Variants in CAMTA1 observed in about 807,000 individuals in gnomAD.
CAMTA1 encodes calmodulin binding transcription activator 1.
Under a neutral mutation model 170.9 loss-of-function variants are expected in CAMTA1, and 27 were observed. The observed-to-expected ratio is 0.16, with a 90% confidence interval of 0.12 to 0.22. CAMTA1 has a LOEUF of 0.22. CAMTA1 is among the 10% of genes least tolerant of loss of function. CAMTA1 has a pLI of 1.00. For missense variants in CAMTA1, 1,619 were observed against 2,217.2 expected (o/e 0.73, Z 5.42); for synonymous variants, 833 against 891.5 (o/e 0.93, Z 1.17).
chr1:7,528,444 T>A (rs2094454546), intron 6 of CAMTA1, among the ~76,000 whole-genome samples: 1 of 151,960 alleles, frequency 6.6e-6, no homozygotes, highest in South Asian at 2.1e-4. Context: ...AAAAAAAAAA[T>A]CTTTCTAAAG....
At chr1:7,179,301 G>A (rs1365770765) in intron 4 of CAMTA1, among the ~76,000 whole-genome samples, 1 of 152,182 alleles carries the variant, frequency 6.6e-6, no homozygotes, top group Non-Finnish European at 1.5e-5. Context: ...AGGAAATGCA[G>A]AGAAAACCAC....
At chr1:7,238,146 A>G (rs545173568) in intron 4 of CAMTA1, among the ~76,000 whole-genome samples, 96 of 144,876 alleles carry the variant, frequency 6.6e-4, no homozygotes, top group Non-Finnish European at 1.1e-3. Flanking sequence ...TAATATGGTC[A>G]GTCTTCTTTC....
At chr1:6,881,157 A>G (rs1253399059) in intron 3 of CAMTA1, among the ~76,000 whole-genome samples, 1 of 152,132 alleles carries the variant, frequency 6.6e-6, no homozygotes, top group Non-Finnish European at 1.5e-5. Context: ...TCCAGATTTC[A>G]TGCCCTTAAT....
intron 5 of CAMTA1, among the ~76,000 whole-genome samples, chr1:7,267,916 C>A (rs1669165367): frequency 6.6e-6 from 1 of 152,204 alleles, no homozygotes; most frequent in African/African-American, 2.4e-5. Flanking sequence ...GCTAATCTGA[C>A]TCCCTCTTGG....
intron 5 of CAMTA1, among the ~76,000 whole-genome samples, chr1:7,329,123 G>A (rs533878299): frequency 6.6e-6 from 1 of 151,932 alleles, no homozygotes; most frequent in Admixed American, 6.5e-5. Context: ...CAAAGAGTGT[G>A]ATTATCTTCA....
intron 3 of CAMTA1, among the ~76,000 whole-genome samples, chr1:7,045,751 C>G (rs1194514930): frequency 2.6e-5 from 4 of 152,288 alleles, no homozygotes; most frequent in Middle Eastern, 3.4e-3. Flanking sequence ...CTCTTGAAGA[C>G]GTCCTCTAGC....
intron 6 of CAMTA1, among the ~76,000 whole-genome samples, chr1:7,544,527 A>G (rs1162305596): frequency 1.3e-5 from 2 of 152,232 alleles, no homozygotes; most frequent in Non-Finnish European, 2.9e-5. Context: ...AGCTCAGAGC[A>G]TGATCTCCTC....
intron 6 of CAMTA1, among the ~76,000 whole-genome samples, chr1:7,539,793 G>A (rs1367529508): frequency 1.3e-5 from 2 of 152,374 alleles, no homozygotes; most frequent in Middle Eastern, 3.4e-3. Flanking sequence ...CAGGGCCAAC[G>A]TGGAAGGTGC....
rs566504291 is a variant in CAMTA1 at position 7,064,643 on chromosome 1, C to T, written c.235-26661C>T. On this transcript the variant is annotated intron_variant, in intron 3 of 22. Coordinates refer to ENST00000303635, the MANE Select transcript of CAMTA1 (RefSeq NM_015215.4). This position sits in a 1 kb window ranked among gnomAD's most constrained non-coding sequence, Gnocchi z 5.4. ...AAAGGAGGATTTTGGGTGAAGAGAA[C>T]GGCTACAGCAAACAGATGGGAAAGA... 2.1e-4 allele frequency among the ~76,000 whole-genome samples: 32 copies of T among 151,550 alleles called. No individual in the cohort carries two copies. The highest frequency in any genetic ancestry group is 3.4e-3 in the Middle Eastern group (1 of 292).
chr1:7,459,306 G>A (rs1557750569), intron 5 of CAMTA1, among the ~76,000 whole-genome samples: 1 of 152,280 alleles, frequency 6.6e-6, no homozygotes, highest in South Asian at 2.1e-4. Context: ...AGAGAACTAG[G>A]GTAAGAGGAA....
At chr1:7,617,383 G>A (rs905903088) in intron 6 of CAMTA1, among the ~76,000 whole-genome samples, 3 of 152,142 alleles carry the variant, frequency 2.0e-5, no homozygotes, top group East Asian at 1.9e-4. Flanking sequence ...CCACTCCTTC[G>A]AAAACTTTGA....
intron 6 of CAMTA1, among the ~76,000 whole-genome samples, chr1:7,558,982 C>G (rs931738835): frequency 4.6e-5 from 7 of 152,216 alleles, no homozygotes; most frequent in East Asian, 1.9e-4. Flanking sequence ...CCCCGTCCCC[C>G]CTGCCTGAAG....
intron 3 of CAMTA1, among the ~76,000 whole-genome samples, chr1:6,984,878 C>T (rs543869446): frequency 1.4e-4 from 21 of 152,288 alleles, no homozygotes; most frequent in South Asian, 8.3e-4. Context: ...TTCCTGGGGA[C>T]GACAGTCTGG....
chr1:7,348,055 A>C (rs1380685856), intron 5 of CAMTA1, among the ~76,000 whole-genome samples: 1 of 152,174 alleles, frequency 6.6e-6, no homozygotes, highest in African/African-American at 2.4e-5. Flanking sequence ...CGTGGGACAG[A>C]GGCAGCTCTG....
chr1:6,883,815 A>G (rs568189409), intron 3 of CAMTA1, among the ~76,000 whole-genome samples: 1 of 152,282 alleles, frequency 6.6e-6, no homozygotes, highest in African/African-American at 2.4e-5. Flanking sequence ...TTAATGTTCT[A>G]GTAACCATAT....
At chr1:7,295,082 G>A (rs1393583216) in intron 5 of CAMTA1, among the ~76,000 whole-genome samples, 2 of 152,232 alleles carry the variant, frequency 1.3e-5, no homozygotes, top group African/African-American at 2.4e-5. Flanking sequence ...GACTTCAGGT[G>A]TTCAAATACT....
intron 3 of CAMTA1, among the ~76,000 whole-genome samples, chr1:6,995,092 A>C (rs1187052569): frequency 2.0e-5 from 3 of 151,640 alleles, no homozygotes; most frequent in Non-Finnish European, 2.9e-5. Flanking sequence ...AATTATATGG[A>C]TATTTGACCT....
At chr1:7,398,400 T>G (rs1194797291) in intron 5 of CAMTA1, among the ~76,000 whole-genome samples, 3 of 151,552 alleles carry the variant, frequency 2.0e-5, no homozygotes, top group Non-Finnish European at 2.9e-5. Flanking sequence ...GTATGGCTAC[T>G]CCTGCACTCT....
chr1:7,116,719 C>T (rs1201810566), intron 4 of CAMTA1, among the ~76,000 whole-genome samples: 1 of 151,070 alleles, frequency 6.6e-6, no homozygotes, highest in Non-Finnish European at 1.5e-5. Context: ...ACGATCTCGG[C>T]TCACTGCAAG....
Sources: gnomAD v4.1 joint callset for allele counts (sites outside exome capture counted in the v4.1 genomes callset) on GRCh38, gnomAD v4.1.1 for gene constraint, Gnocchi (gnomAD v3.1) non-coding constraint, MANE v1.5 for transcripts, NCBI Gene and HGNC (gene_info 2026-07-23, HGNC 2026-07-21) for gene names.